AHCYL2: variants seen among roughly 807,000 people sequenced by gnomAD.
The protein encoded by AHCYL2 is adenosylhomocysteinase like 2.
Under a neutral mutation model 81.4 loss-of-function variants are expected in AHCYL2, and 28 were observed. The ratio of observed to expected loss-of-function variants is 0.34; its 90% CI spans 0.25 to 0.47. The LOEUF (loss-of-function observed/expected upper bound fraction) is 0.47, where lower values mean the gene tolerates loss of function less well. AHCYL2 is among the 20% of genes least tolerant of loss of function. AHCYL2 has a pLI of 1.00. For synonymous variants in AHCYL2, 272 were observed against 290.2 expected, an observed-to-expected ratio of 0.94 and a Z score of 0.64; for missense variants, 551 against 785.1, an observed-to-expected ratio of 0.70 and a Z score of 3.56.
chr7:129,274,362 A>G (rs1796124301), intron 1 of AHCYL2, among the ~76,000 whole-genome samples: 1 of 152,216 alleles, frequency 6.6e-6, no homozygotes, highest in Admixed American at 6.5e-5. Context: ...TGATTTAGAT[A>G]TCGAGATTCT....
chr7:129,351,901 G>A (rs950394982), intron 1 of AHCYL2, among the ~76,000 whole-genome samples: 1 of 152,154 alleles, frequency 6.6e-6, no homozygotes, highest in African/African-American at 2.4e-5. Context: ...GCAATGATAG[G>A]TAAGTAATTA....
chr7:129,271,382 GT>G (rs1260529633), intron 1 of AHCYL2, among the ~76,000 whole-genome samples: 2 of 141,876 alleles, frequency 1.4e-5, no homozygotes, highest in East Asian at 4.1e-4. Context: ...AAAAAAAAGA[GT>G]TTTAAAATAG....
At chr7:129,393,917 T>C (rs1323427796) in intron 4 of AHCYL2, among the ~76,000 whole-genome samples, 2 of 152,324 alleles carry the variant, frequency 1.3e-5, no homozygotes, top group East Asian at 1.9e-4. Context: ...TAGACTCCCA[T>C]AGACCCCATA....
At chr7:129,281,247 G>T (rs1796433402) in intron 1 of AHCYL2, among the ~76,000 whole-genome samples, 1 of 151,916 alleles carries the variant, frequency 6.6e-6, no homozygotes, top group South Asian at 2.1e-4. Flanking sequence ...TTTATATATT[G>T]CTGGGCTTGG....
chr7:129,414,420 C>CTTTT (rs10653631), intron 12 of AHCYL2, among the ~76,000 whole-genome samples: 25,358 of 125,218 alleles, frequency 0.2, 3,554 homozygotes, highest in Non-Finnish European at 0.27. Flanking sequence ...AATGTTGTTT[C>CTTTT]TTTTTTTTTT....
intron 1 of AHCYL2, among the ~76,000 whole-genome samples, chr7:129,256,508 C>A (rs1795424834): frequency 6.7e-6 from 1 of 148,966 alleles, no homozygotes. Flanking sequence ...CAATACACAC[C>A]ATTTACCATT....
chr7:129,349,490 C>T (rs1266088410), intron 1 of AHCYL2, among the ~76,000 whole-genome samples: 5 of 120,676 alleles, frequency 4.1e-5, no homozygotes, highest in African/African-American at 5.6e-5. Context: ...AAAAAAAAAC[C>T]CACAAAAATT....
chr7:129,422,932 G>T lies in AHCYL2; in HGVS notation c.1554G>T (p.Leu518=), dbSNP rs751724471. 21 of 1,613,940 alleles carry T rather than the reference G, an allele frequency of 1.3e-5. No homozygotes were observed. The highest frequency in any genetic ancestry group is 1.8e-5 in the Non-Finnish European group (21 of 1,179,924). Residue 518 remains leucine (L), a synonymous_variant, in exon 13 of 17, where the codon CTG becomes CTT. Coordinates refer to ENST00000325006, the MANE Select transcript of AHCYL2 (RefSeq NM_015328.4). ...IWPDGKRIVL[L]AEGRLLNLSC... ...CTGATGGCAAGAGGATAGTACTGCT[G>T]GCAGAGGTAAGGCTGAGACTGGCAA...
chr7:129,250,368 A>G (rs1795208303), intron 1 of AHCYL2, among the ~76,000 whole-genome samples: 1 of 152,198 alleles, frequency 6.6e-6, no homozygotes, highest in South Asian at 2.1e-4. Context: ...GAATTGCTTG[A>G]TTACAGTTGA....
At chr7:129,296,147 T>G (rs536373863) in intron 1 of AHCYL2, among the ~76,000 whole-genome samples, 1 of 152,316 alleles carries the variant, frequency 6.6e-6, no homozygotes, top group South Asian at 2.1e-4. Context: ...GGAGGAATCA[T>G]GTAGGATTAC....
chr7:129,367,959 A>C (rs1178036591), intron 1 of AHCYL2, among the ~76,000 whole-genome samples: 1 of 152,144 alleles, frequency 6.6e-6, no homozygotes, highest in Non-Finnish European at 1.5e-5. Context: ...AAGCCCTAGG[A>C]GCTCTTGATT....
chr7:129,234,498 C>T (rs1361388467), intron 1 of AHCYL2, among the ~76,000 whole-genome samples: 1 of 152,120 alleles, frequency 6.6e-6, no homozygotes, highest in Non-Finnish European at 1.5e-5. Flanking sequence ...CCACTTTGGC[C>T]TCTCAAAGTG....
intron 1 of AHCYL2, among the ~76,000 whole-genome samples, chr7:129,246,537 A>G (rs745320106): frequency 5.9e-5 from 9 of 151,984 alleles, no homozygotes; most frequent in Non-Finnish European, 1.3e-4. Flanking sequence ...TCGCTCTGTC[A>G]CTCTGGCTGG....
chr7:129,360,290 A>C (rs527337523), intron 1 of AHCYL2, among the ~76,000 whole-genome samples: 1 of 151,604 alleles, frequency 6.6e-6, no homozygotes, highest in South Asian at 2.1e-4. Context: ...CTAATTTTGT[A>C]TTTTTAGTAG....
intron 1 of AHCYL2, among the ~76,000 whole-genome samples, chr7:129,356,888 A>G (rs1231030425): frequency 6.6e-6 from 1 of 152,242 alleles, no homozygotes; most frequent in Non-Finnish European, 1.5e-5. Context: ...TTGGCAAGGT[A>G]TTTAGTTTCT....
chr7:129,283,182 C>A (rs1234101650), intron 1 of AHCYL2, among the ~76,000 whole-genome samples: 1 of 152,192 alleles, frequency 6.6e-6, no homozygotes, highest in East Asian at 1.9e-4. Context: ...CTGCCTTGGC[C>A]TTCCCAGACT....
intron 1 of AHCYL2, among the ~76,000 whole-genome samples, chr7:129,335,719 A>T (rs1563201338): frequency 1.3e-5 from 2 of 152,138 alleles, no homozygotes; most frequent in Non-Finnish European, 2.9e-5. Flanking sequence ...TTCCAGCATG[A>T]TGGTCTCAAG....
At chr7:129,321,853 T>A (rs1415210610) in intron 1 of AHCYL2, among the ~76,000 whole-genome samples, 1 of 146,894 alleles carries the variant, frequency 6.8e-6, no homozygotes, top group African/African-American at 2.5e-5. Flanking sequence ...TCGGCTCACC[T>A]TAACCTCCAC....
At chr7:129,228,478 T>C (rs1794305394) in intron 1 of AHCYL2, among the ~76,000 whole-genome samples, 1 of 152,350 alleles carries the variant, frequency 6.6e-6, no homozygotes, top group Non-Finnish European at 1.5e-5. Flanking sequence ...GGCTATGATA[T>C]ATTTAATTAT....
Sources: allele counts gnomAD v4.1 joint callset (sites outside exome capture counted in the v4.1 genomes callset), GRCh38; gene constraint gnomAD v4.1.1; transcripts MANE v1.5; gene names NCBI Gene and HGNC (gene_info 2026-07-23, HGNC 2026-07-21).